ELOVL7: variants seen among roughly 807,000 people sequenced by gnomAD.
ELOVL7 encodes ELOVL fatty acid elongase 7, also known as very long chain fatty acid elongase 7.
In ELOVL7, 27 loss-of-function variants were observed where a neutral mutation model predicts 35.7. The ratio of observed to expected loss-of-function variants is 0.76; its 90% confidence interval spans 0.56 to 1.04. The LOEUF (loss-of-function observed/expected upper bound fraction) is 1.04, where lower values mean the gene tolerates loss of function less well. Among genes scored for constraint, ELOVL7 ranks in the 50% least tolerant of loss-of-function variants. ELOVL7 has a pLI of 0.00. For synonymous variants in ELOVL7, 113 were observed against 114.6 expected, an observed-to-expected ratio of 0.99 and a Z score of 0.09; for missense variants, 327 against 340.8, an observed-to-expected ratio of 0.96 and a Z score of 0.32.
chr5:60,757,779 C>T (rs1374823113), intron 7 of ELOVL7, 134 bp from the exon 8 acceptor site: 1 of 698,716 alleles, frequency 1.4e-6, no homozygotes, highest in Admixed American at 3.3e-5. Flanking sequence ...TCCTGTTAAA[C>T]AACTATCAAA....
intron 1 of ELOVL7, among the ~76,000 whole-genome samples, chr5:60,815,193 G>A (rs1255338816): frequency 6.6e-6 from 1 of 152,274 alleles, no homozygotes; most frequent in South Asian, 2.1e-4. Context: ...GGAATTTGTA[G>A]CATGTTTTCC....
At chr5:60,820,412 T>C (rs1430820233) in intron 1 of ELOVL7, among the ~76,000 whole-genome samples, 2 of 152,234 alleles carry the variant, frequency 1.3e-5, no homozygotes, top group Admixed American at 6.5e-5. Flanking sequence ...TGGTTTGTTA[T>C]GGCAGCAATA....
chr5:60,784,710 A>C (rs1743465339), intron 3 of ELOVL7, among the ~76,000 whole-genome samples: 1 of 152,216 alleles, frequency 6.6e-6, no homozygotes, highest in Non-Finnish European at 1.5e-5. Context: ...TAAGATGGCC[A>C]AAAATGATTC....
intron 2 of ELOVL7, among the ~76,000 whole-genome samples, chr5:60,789,312 A>T (rs537711541): frequency 6.6e-6 from 1 of 152,378 alleles, no homozygotes; most frequent in African/African-American, 2.4e-5. Flanking sequence ...GAAATGGGCA[A>T]AGTTCACAGA....
intron 2 of ELOVL7, among the ~76,000 whole-genome samples, chr5:60,788,975 C>A: frequency 6.6e-6 from 1 of 152,164 alleles, no homozygotes; most frequent in South Asian, 2.1e-4. Flanking sequence ...AATGGTGTGG[C>A]ACACCTGGAC....
chr5:60,833,333 T>A lies in ELOVL7; in HGVS notation c.-86+10827A>T, dbSNP rs371571836. Among the ~76,000 whole-genome samples, 44 of 152,276 alleles carry A rather than the reference T, an allele frequency of 2.9e-4. 1 individual carries two copies. The East Asian group carries it at 4.3e-3, about 15-fold the overall frequency. On this transcript the variant is annotated intron_variant, in intron 1 of 8. Coordinates refer to ENST00000508821, the MANE Select transcript of ELOVL7 (RefSeq NM_024930.3). ...GGTCCTTTGCAGCTCAAAACACTAA[T>A]GTTTCTCTGAAAAATGACCAACATG... is the stretch of plus-strand genomic sequence containing the variant.
intron 3 of ELOVL7, among the ~76,000 whole-genome samples, chr5:60,785,420 T>C (rs1743516405): frequency 6.6e-6 from 1 of 152,246 alleles, no homozygotes; most frequent in African/African-American, 2.4e-5. Flanking sequence ...ATATTTATTA[T>C]TATCTACATC....
At chr5:60,816,911 G>C (rs986164392) in intron 1 of ELOVL7, among the ~76,000 whole-genome samples, 2 of 152,114 alleles carry the variant, frequency 1.3e-5, no homozygotes, top group Admixed American at 6.6e-5. Flanking sequence ...CCGGTGTTTG[G>C]GGAAAACTGA....
At chr5:60,817,667 T>G (rs553669571) in intron 1 of ELOVL7, among the ~76,000 whole-genome samples, 13 of 118,908 alleles carry the variant, frequency 1.1e-4, no homozygotes, top group African/African-American at 2.8e-4. Context: ...TATACATATA[T>G]ACACATATAT....
intron 7 of ELOVL7, 32 bp downstream of exon 7, chr5:60,764,195 A>G: frequency 1.4e-6 from 2 of 1,434,232 alleles, no homozygotes; most frequent in South Asian, 2.3e-5. Flanking sequence ...AATGTTGTTT[A>G]TAACACATGA....
chr5:60,795,544 T>A (rs979859712), intron 2 of ELOVL7, among the ~76,000 whole-genome samples: 8 of 152,074 alleles, frequency 5.3e-5, no homozygotes, highest in African/African-American at 1.9e-4. Context: ...CTGTTTTCAC[T>A]CTATTAAATC....
At chr5:60,773,050 T>C (rs982510460) in intron 3 of ELOVL7, among the ~76,000 whole-genome samples, 3 of 152,132 alleles carry the variant, frequency 2.0e-5, no homozygotes, top group African/African-American at 7.2e-5. Flanking sequence ...GGTCTCACAA[T>C]TGCAAACAAA....
At chr5:60,840,722 T>C (rs1390394024) in intron 1 of ELOVL7, among the ~76,000 whole-genome samples, 1 of 152,218 alleles carries the variant, frequency 6.6e-6, no homozygotes, top group African/African-American at 2.4e-5. Flanking sequence ...TCTGACAGCA[T>C]GTATTGAGAA....
chr5:60,819,410 A>G (rs1391187144), intron 1 of ELOVL7, among the ~76,000 whole-genome samples: 3 of 152,142 alleles, frequency 2.0e-5, no homozygotes, highest in Non-Finnish European at 4.4e-5. Context: ...TCCCATTCCC[A>G]TCTGACACTG....
chr5:60,766,726 C>T (rs926384058), intron 5 of ELOVL7, 96 bp from the exon 6 acceptor site: 15 of 1,002,704 alleles, frequency 1.5e-5, no homozygotes, highest in South Asian at 3.2e-5. Flanking sequence ...TAAAATCTGT[C>T]ATGTCAACCA....
At position 60,754,506 on chromosome 5, in the gene ELOVL7, C is replaced by A; in HGVS notation, c.*118G>T. 1 of 874,922 alleles carries A rather than the reference C, an allele frequency of 1.1e-6. No homozygotes were observed. The highest frequency in any genetic ancestry group is 2.7e-5 in the East Asian group (1 of 37,548). 54.2% of individuals were successfully genotyped at this position (874,922 alleles called of 1,614,324 possible). A position where few individuals can be genotyped will look rare whatever the true frequency, so the allele number is the denominator to read the frequency against. ...AAATATCAGACATCCCAATAACTTA[C>A]CATAAAAATACAAGCTCTTAGTTTT... On this transcript the variant is annotated 3_prime_UTR_variant, in exon 9 of 9. Coordinates refer to ENST00000508821, the MANE Select transcript of ELOVL7 (RefSeq NM_024930.3).
chr5:60,787,540 C>T (rs1743675690), intron 2 of ELOVL7, 109 bp from the exon 3 acceptor site: 6 of 591,028 alleles, frequency 1.0e-5, no homozygotes, highest in Non-Finnish European at 1.7e-5. Context: ...GAATAACTGG[C>T]AAGACAACAA....
At chr5:60,793,588 G>A (rs553757276) in intron 2 of ELOVL7, among the ~76,000 whole-genome samples, 2 of 152,188 alleles carry the variant, frequency 1.3e-5, no homozygotes, top group Non-Finnish European at 2.9e-5. Flanking sequence ...TCTAAGCAAG[G>A]GTAATGTCTT....
intron 1 of ELOVL7, among the ~76,000 whole-genome samples, chr5:60,833,536 C>A (rs1746610440): frequency 6.6e-6 from 1 of 151,908 alleles, no homozygotes; most frequent in Admixed American, 6.6e-5. Flanking sequence ...CTGGTACTAT[C>A]TAGGATTATC....
Sources: gnomAD v4.1 joint callset for allele counts (sites outside exome capture counted in the v4.1 genomes callset) on GRCh38, gnomAD v4.1.1 for gene constraint, MANE v1.5 for transcripts, NCBI Gene and HGNC (gene_info 2026-07-23, HGNC 2026-07-21) for gene names.